The following CPT2 variants were observed in gnomAD, a reference collection of about 807,000 sequenced individuals.
The protein encoded by CPT2 is carnitine palmitoyltransferase 2, also known as carnitine O-palmitoyltransferase 2, mitochondrial.
In CPT2, 37 loss-of-function variants were observed where a neutral mutation model predicts 48.6. The ratio of observed to expected loss-of-function variants is 0.76; its 90% CI spans 0.59 to 1.00. The LOEUF is 1.00. CPT2 is among the 50% of genes least tolerant of loss of function. CPT2 has a pLI of 0.00. For missense variants in CPT2, 772 were observed against 825.6 expected, an observed-to-expected ratio of 0.94 and a Z score of 0.80; for synonymous variants, 319 against 326.9, an observed-to-expected ratio of 0.98 and a Z score of 0.26.
Position 53,213,670 on chromosome 1 carries a change from T to TTAC in CPT2, c.*75_*76insTAC. 1 of 1,332,526 alleles carries TTAC rather than the reference T, an allele frequency of 7.5e-7. No homozygotes were observed. Among genetic ancestry groups the TTAC allele is most frequent in the South Asian group, 1.2e-5 (1 of 81,606 alleles). The allele number at this position is 1,332,526 out of a possible 1,614,324, so 82.5% of individuals were successfully genotyped here. ...GAGGCCGGGCATGGTGGCTCATGCCTGTAATCCCAGCATTTTGAGAGGCTG... is the reference window on the plus strand; with the variant it reads ...GAGGCCGGGCATGGTGGCTCATGCCTTACGTAATCCCAGCATTTTGAGAGGCTG... On this transcript the variant is annotated 3_prime_UTR_variant, in exon 5 of 5. Transcript: ENST00000371486.
At chr1:53,208,092 T>C (rs1477041587) in intron 3 of CPT2, 1 of 151,906 alleles carries the variant, frequency 6.6e-6, no homozygotes, top group Non-Finnish European at 1.5e-5. Context: ...TAAAGGGGGG[T>C]CAGAGGCATG....
intron 3 of CPT2, chr1:53,208,637 A>C (rs1645402241): frequency 6.6e-6 from 1 of 152,248 alleles, no homozygotes; most frequent in African/African-American, 2.4e-5. Flanking sequence ...TCGGGGAGCA[A>C]TCAAGTATGA....
rs113493395 is a variant in CPT2, at chr1:53,211,252, T to C, written c.1578T>C (p.Gly526=). The stretch of plus-strand genomic sequence containing the variant: ...GGGAGCCCTCCAGGCACAGTGCTGG[T>C]GAGCTTCAGCAGATGATGGTTGAGT... ...FVREPSRHSA[G]ELQQMMVECS... is the part of the protein sequence containing the mutation. Residue 526 remains glycine, a synonymous_variant, in exon 4 of 5, where the codon GGT becomes GGC. Coordinates refer to ENST00000371486, the MANE Select transcript of CPT2 (RefSeq NM_000098.3). 4.0e-3 allele frequency: 6,414 copies of C among 1,612,504 alleles called. 40 individuals are homozygous for C. Among genetic ancestry groups the C allele is most frequent in the Non-Finnish European group, 3.7e-3 (4,367 of 1,179,278 alleles).
Position 53,213,728 on chromosome 1 carries a change from A to T in CPT2, c.*133A>T. ...TGGATCACTTGAGGTCAGGAGTTTG[A>T]GACCAACCTGGCCAACATGGTGAAA... On this transcript the variant is annotated 3_prime_UTR_variant, in exon 5 of 5. Coordinates refer to ENST00000371486, the MANE Select transcript of CPT2 (RefSeq NM_000098.3). The T allele has an allele frequency of 1.3e-6, 1 of 793,206 alleles. No individual in the cohort carries two copies. The highest frequency in any genetic ancestry group is 1.5e-5 in the South Asian group (1 of 66,448). 49.1% of individuals were successfully genotyped at this position (793,206 alleles called of 1,614,324 possible).
chr1:53,214,192 C>G lies in CPT2; in HGVS notation c.*597C>G, dbSNP rs1184168815. 6.1e-6 allele frequency: 1 copy of G among 163,990 alleles called. No homozygotes were observed. The highest frequency in any genetic ancestry group is 2.4e-5 in the African/African-American group (1 of 41,594). The allele number at this position is 163,990 out of a possible 1,614,324, so 10.2% of individuals were successfully genotyped here. ...AAGCAGAAATAAAGTTTAATTTTTG[C>G]TTGAAGATGGTTCTTAATTTCTTTT... On this transcript the variant is annotated 3_prime_UTR_variant, in exon 5 of 5. Transcript: ENST00000371486.
At chr1:53,201,009 G>A (rs1645352098) in intron 2 of CPT2, 1 of 607,560 alleles carries the variant, frequency 1.6e-6, no homozygotes, top group Admixed American at 2.4e-5. Context: ...GGCTCAACAG[G>A]AGATAGTTTA....
rs757247552 is a variant in CPT2 at position 53,210,649 on chromosome 1, C to G, written c.975C>G (p.Leu325=). 135 of 1,614,072 alleles carry G rather than the reference C, an allele frequency of 8.4e-5. No homozygotes were observed. The highest frequency in any genetic ancestry group is 1.1e-4 in the Non-Finnish European group (126 of 1,180,050). The change falls in exon 4 of 5, where the codon CTC becomes CTG. Residue 325 remains leucine (L), a synonymous_variant. Coordinates refer to ENST00000371486, the MANE Select transcript of CPT2 (RefSeq NM_000098.3). ...LRKVDSAVFC[L]CLDDFPIKDL... ...AAGTGGACTCGGCAGTGTTCTGTCT[C>G]TGCCTAGATGACTTCCCCATTAAGG... is the stretch of plus-strand genomic sequence containing the variant.
chr1:53,209,902 C>A, intron 3 of CPT2, 113 bp from the exon 4 acceptor site: 1 of 849,408 alleles, frequency 1.2e-6, no homozygotes, highest in Non-Finnish European at 1.9e-6. Flanking sequence ...ATTCTTCTCT[C>A]TGGAGGTTGA....
chr1:53,213,203 G>C, intron 4 of CPT2, 61 bp from the exon 5 acceptor site: 1 of 1,554,842 alleles, frequency 6.4e-7, no homozygotes, highest in Non-Finnish European at 8.8e-7. Context: ...GGTGAGTTGG[G>C]AGGTTTTCCT....
chr1:53,200,392 C>T lies in CPT2; in HGVS notation c.153-327C>T, dbSNP rs1042044780. ...GGGTAGAATTAAATCAGGGCCAATA[C>T]AGTGTTAGCACAGGTGTTATCATTG... On this transcript the variant is annotated intron_variant, in intron 1 of 4. Coordinates refer to ENST00000371486, the MANE Select transcript of CPT2 (RefSeq NM_000098.3). 7.0e-5 allele frequency: 18 copies of T among 257,854 alleles called. 1 individual carries two copies. Among genetic ancestry groups the T allele is most frequent in the South Asian group, 1.9e-4 (4 of 21,440 alleles). 16.0% of individuals were successfully genotyped at this position (257,854 alleles called of 1,614,324 possible).
intron 2 of CPT2, 89 bp downstream of exon 2, chr1:53,200,888 G>A: frequency 9.5e-7 from 1 of 1,050,840 alleles, no homozygotes; most frequent in Non-Finnish European, 1.5e-6. Context: ...GGGAATGTCT[G>A]TGACGTGGCT....
intron 4 of CPT2, among the ~76,000 whole-genome samples, chr1:53,211,818 T>C (rs1334794714): frequency 1.3e-5 from 2 of 152,000 alleles, no homozygotes; most frequent in African/African-American, 4.8e-5. Flanking sequence ...AGGCTGGTCT[T>C]GAACTCCTGA....
chr1:53,202,282 C>T lies in CPT2; in HGVS notation c.234-41C>T, dbSNP rs771445898. ...GCCATGAACCTAAAAATCATGTATTCCCTACCATGGTTTGATTTTGTCTTT... is the reference window on the plus strand; with the variant it reads ...GCCATGAACCTAAAAATCATGTATTTCCTACCATGGTTTGATTTTGTCTTT... On this transcript the variant is annotated intron_variant, in intron 2 of 4. Coordinates refer to ENST00000371486, the MANE Select transcript of CPT2 (RefSeq NM_000098.3). The T allele has an allele frequency of 4.0e-5, 60 of 1,505,996 alleles. No homozygotes were observed. The Admixed American group carries it at 4.0e-4, about 10-fold the overall frequency. The allele number at this position is 1,505,996 out of a possible 1,614,324, so 93.3% of individuals were successfully genotyped here. A position where few individuals can be genotyped will look rare whatever the true frequency, so the allele number is the denominator to read the frequency against.
At chr1:53,207,851 A>G (rs1645398038) in intron 3 of CPT2, 1 of 152,178 alleles carries the variant, frequency 6.6e-6, no homozygotes, top group South Asian at 2.1e-4. Context: ...ATATAATTGA[A>G]TAGTCCTTCA....
chr1:53,198,070 T>G (rs1645334670), intron 1 of CPT2, among the ~76,000 whole-genome samples: 1 of 152,240 alleles, frequency 6.6e-6, no homozygotes, highest in Non-Finnish European at 1.5e-5. Flanking sequence ...CGCTTTCGTC[T>G]GAGTTGCCAG....
chr1:53,196,895 C>T lies in CPT2; in HGVS notation c.-49C>T. On this transcript the variant is annotated 5_prime_UTR_variant, in exon 1 of 5. Transcript: ENST00000371486. ...GCGGCGGCGGCCTTGTGTTTAGACT[C>T]CAGAACTCCCCACTTGCCGCGTTCT... 6.5e-7 allele frequency: 1 copy of T among 1,530,444 alleles called. No individual in the cohort carries two copies. The highest frequency in any genetic ancestry group is 8.7e-7 in the Non-Finnish European group (1 of 1,145,788). 94.8% of individuals were successfully genotyped at this position (1,530,444 alleles called of 1,614,324 possible).
rs1208897462 is a variant in CPT2 at position 53,196,975 on chromosome 1, C to T, written c.32C>T (p.Pro11Leu). 6.5e-7 allele frequency: 1 copy of T among 1,528,424 alleles called. No individual in the cohort carries two copies. The highest frequency in any genetic ancestry group is 1.4e-5 in the African/African-American group (1 of 70,938). The allele number at this position is 1,528,424 out of a possible 1,614,324, so 94.7% of individuals were successfully genotyped here. A position where few individuals can be genotyped will look rare whatever the true frequency, so the allele number is the denominator to read the frequency against. ...CCCCGCCTGCTGCTGCGCGCCTGGC[C>T]CCGGGGCCCCGCGGTTGGTCCGGGA... MVPRLLLRAW[P>L]RGPAVGPGAP... The change falls in exon 1 of 5, where the codon CCC (proline) becomes CTC (leucine). Residue 11 changes from proline (P) to leucine (L), a missense_variant. Transcript: ENST00000371486.
chr1:53,212,864 T>G, intron 4 of CPT2: 1 of 448,642 alleles, frequency 2.2e-6, no homozygotes, highest in Non-Finnish European at 3.9e-6. Context: ...AGACTTTCCA[T>G]TTTGTTCCAC....
intron 4 of CPT2, chr1:53,211,631 T>A (rs1645429416): frequency 2.2e-6 from 1 of 453,028 alleles, no homozygotes; most frequent in Admixed American, 3.8e-5. Context: ...AGACAAGAGT[T>A]TCCCTCCGTC....
Sources: allele counts gnomAD v4.1 joint callset (sites outside exome capture counted in the v4.1 genomes callset), GRCh38; gene constraint gnomAD v4.1.1; transcripts MANE v1.5; gene names NCBI Gene and HGNC (gene_info 2026-07-23, HGNC 2026-07-21).